Variants in ADGRE1 observed in about 807,000 individuals in gnomAD.
ADGRE1 encodes EGF-like module receptor 1.
Under a neutral mutation model 102.7 loss-of-function variants are expected in ADGRE1, and 82 were observed. That is an observed-to-expected ratio of 0.80 (90% CI 0.67 to 0.96). The LOEUF (loss-of-function observed/expected upper bound fraction) is 0.96. Among genes scored for constraint, ADGRE1 ranks in the 40% least tolerant of loss-of-function variants. The pLI is 0.00. For missense variants in ADGRE1, 1,032 were observed against 1,085.3 expected, an observed-to-expected ratio of 0.95 and a Z score of 0.69; for synonymous variants, 398 against 399.6, an observed-to-expected ratio of 1.00 and a Z score of 0.05.
At chr19:6,905,806 AAT>A (rs1599727757) in intron 8 of ADGRE1, among the ~76,000 whole-genome samples, 1 of 152,184 alleles carries the variant, frequency 6.6e-6, no homozygotes, top group East Asian at 1.9e-4. Flanking sequence ...CAAGCAAATG[AAT>A]ATATCTGATG....
At chr19:6,910,568 C>CTTT (rs1374254196) in intron 10 of ADGRE1, among the ~76,000 whole-genome samples, 1 of 96,226 alleles carries the variant, frequency 1.0e-5, no homozygotes, top group Non-Finnish European at 2.3e-5. Context: ...ACTGTTCCAA[C>CTTT]TCTTTTTTTT....
At chr19:6,917,890 C>G (rs1417457237) in intron 12 of ADGRE1, among the ~76,000 whole-genome samples, 1 of 152,044 alleles carries the variant, frequency 6.6e-6, no homozygotes. Flanking sequence ...AGAAATAAAT[C>G]CTCTGGCTGT....
chr19:6,922,625 C>CAA (rs1974719560), intron 14 of ADGRE1, among the ~76,000 whole-genome samples: 1 of 144,850 alleles, frequency 6.9e-6, no homozygotes, highest in Non-Finnish European at 1.5e-5. Flanking sequence ...CACACACACA[C>CAA]ACACACACAC....
In ADGRE1 at chr19:6,926,417, T is replaced by G; in HGVS notation, c.2038T>G (p.Phe680Val). The G allele has an allele frequency of 1.2e-6, 2 of 1,614,268 alleles. No homozygotes were observed. Among genetic ancestry groups the G allele is most frequent in the East Asian group, 2.2e-5 (1 of 44,890 alleles). ...CCTGCACTACCTTTTCCTTGCCTGC[T>G]TCTTCTGGATGCTGGTGGAGGCTGT... ...GFLHYLFLAC[F>V]FWMLVEAVIL... Residue 680 changes from phenylalanine to valine, a missense_variant, in exon 16 of 21, where the codon TTC becomes GTC. Transcript: ENST00000312053.
chr19:6,889,703 A>C (rs1238510167), intron 1 of ADGRE1, among the ~76,000 whole-genome samples: 1 of 150,988 alleles, frequency 6.6e-6, no homozygotes, highest in African/African-American at 2.4e-5. Context: ...AAAAAAAAAA[A>C]AAAAAAAGGA....
chr19:6,889,653 C>T lies in ADGRE1; in HGVS notation c.32-828C>T, dbSNP rs1264940824. On this transcript the variant is annotated intron_variant, in intron 1 of 20. Coordinates refer to ENST00000312053, the MANE Select transcript of ADGRE1 (RefSeq NM_001974.5). The stretch of plus-strand genomic sequence containing the variant: ...GCAGTGAGCCTAGATCACGCTACTG[C>T]ACTCCAGCCTGGTGACAGAGTGAGA... 3.0e-5 allele frequency among the ~76,000 whole-genome samples: 4 copies of T among 133,388 alleles called. No individual in the cohort carries two copies. The East Asian group carries it at 6.7e-4, about 22-fold the overall frequency. 87.5% of individuals were successfully genotyped at this position (133,388 alleles called of 152,430 possible). A position where few individuals can be genotyped will look rare whatever the true frequency, so the allele number is the denominator to read the frequency against.
At chr19:6,938,169 C>G (rs1476567723) in intron 20 of ADGRE1, among the ~76,000 whole-genome samples, 4 of 151,964 alleles carry the variant, frequency 2.6e-5, no homozygotes. Context: ...AAACCCCCAT[C>G]TCTATTAAAA....
intron 2 of ADGRE1, among the ~76,000 whole-genome samples, chr19:6,893,846 A>G (rs1973461487): frequency 1.3e-5 from 2 of 152,232 alleles, no homozygotes; most frequent in Admixed American, 6.5e-5. Flanking sequence ...CCACTGGGCT[A>G]AAATAGAGGC....
At chr19:6,900,873 C>T (rs1182958411) in intron 5 of ADGRE1, among the ~76,000 whole-genome samples, 5 of 152,048 alleles carry the variant, frequency 3.3e-5, no homozygotes, top group Middle Eastern at 3.2e-3. Context: ...TAAAAACAAC[C>T]ACCATATATT....
intron 10 of ADGRE1, among the ~76,000 whole-genome samples, chr19:6,913,077 G>A (rs531794512): frequency 3.3e-5 from 5 of 152,288 alleles, no homozygotes; most frequent in Non-Finnish European, 4.4e-5. Context: ...TGGGACTAGC[G>A]TCATGCACCA....
In ADGRE1 at chr19:6,928,157, T is replaced by C; in HGVS notation, c.2235T>C (p.Asn745=). 6.2e-7 allele frequency: 1 copy of C among 1,613,910 alleles called. No individual in the cohort carries two copies. The highest frequency in any genetic ancestry group is 1.7e-5 in the Admixed American group (1 of 59,992). ...GYGMHNRCWL[N]TETGFIWSFL... ...TTTCTCTCCACAGCTGCTGGCTGAA[T>C]ACAGAGACAGGGTTCATCTGGAGTT... is the stretch of plus-strand genomic sequence containing the variant. The change falls in exon 17 of 21, where the codon AAT becomes AAC. Residue 745 remains asparagine, a synonymous_variant. Coordinates refer to ENST00000312053, the MANE Select transcript of ADGRE1 (RefSeq NM_001974.5).
Position 6,897,134 on chromosome 19 carries a change from C to T in ADGRE1, c.239-15C>T. 3.2e-6 allele frequency: 5 copies of T among 1,584,502 alleles called. No individual in the cohort carries two copies. Among genetic ancestry groups the T allele is most frequent in the Non-Finnish European group, 4.3e-6 (5 of 1,164,104 alleles). ...TCTAGTATAAGTAAATTTGTAACTC[C>T]AATTCTCTGTCTAGATATTGATGAA... On this transcript the variant is annotated splice_polypyrimidine_tract_variant and intron_variant, in intron 3 of 20. Coordinates refer to ENST00000312053, the MANE Select transcript of ADGRE1 (RefSeq NM_001974.5).
At chr19:6,930,551 G>A (rs542151635) in intron 17 of ADGRE1, among the ~76,000 whole-genome samples, 2 of 152,266 alleles carry the variant, frequency 1.3e-5, no homozygotes, top group East Asian at 3.9e-4. Flanking sequence ...AGTCAACGAG[G>A]TATCTGTCCC....
Position 6,902,641 on chromosome 19 carries a change from G to A in ADGRE1, c.661+620G>A, listed in dbSNP as rs138667985. The stretch of plus-strand genomic sequence containing the variant: ...TTTTTAGTAGAGACAAGGTTTCACC[G>A]TGTTGGCCAGGCTGGTCTCAAACTC... On this transcript the variant is annotated intron_variant, in intron 6 of 20. Transcript: ENST00000312053. Among the ~76,000 whole-genome samples, 648 of 152,124 alleles carry A rather than the reference G, an allele frequency of 4.3e-3. 5 individuals carry two copies. The highest frequency in any genetic ancestry group is 0.015 in the African/African-American group (603 of 41,514).
chr19:6,930,852 T>C (rs1420160089), intron 17 of ADGRE1, among the ~76,000 whole-genome samples: 1 of 152,100 alleles, frequency 6.6e-6, no homozygotes, highest in Non-Finnish European at 1.5e-5. Context: ...TTTTCCAGGC[T>C]GGTCTCGAAT....
intron 18 of ADGRE1, 87 bp from the exon 19 acceptor site, chr19:6,937,156 G>A (rs1975445163): frequency 2.1e-6 from 3 of 1,462,834 alleles, no homozygotes; most frequent in Non-Finnish European, 1.9e-6. Context: ...ATTGGAGAGT[G>A]GCCACCTCAG....
intron 9 of ADGRE1, among the ~76,000 whole-genome samples, chr19:6,907,179 A>G (rs7257222): frequency 0.37 from 55,973 of 151,698 alleles, 12,095 homozygotes; most frequent in African/African-American, 0.6. Context: ...TAAATTGGCT[A>G]TGGGCTTCCC....
At chr19:6,917,973 G>A in intron 12 of ADGRE1, among the ~76,000 whole-genome samples, 1 of 152,128 alleles carries the variant, frequency 6.6e-6, no homozygotes, top group Non-Finnish European at 1.5e-5. Context: ...AGTGGTCTGG[G>A]AGAGAGATGT....
chr19:6,897,954 CT>C (rs1973629345), intron 5 of ADGRE1: 2 of 179,362 alleles, frequency 1.1e-5, no homozygotes, highest in Non-Finnish European at 2.3e-5. Context: ...TCCTTCCTTC[CT>C]TCCTTCCTAC....
Sources: gnomAD v4.1 joint callset for allele counts (sites outside exome capture counted in the v4.1 genomes callset) on GRCh38, gnomAD v4.1.1 for gene constraint, MANE v1.5 for transcripts, NCBI Gene and HGNC (gene_info 2026-07-23, HGNC 2026-07-21) for gene names.